Variants in PPFIA2 observed in about 807,000 individuals in gnomAD.
PPFIA2 encodes PPFI scaffold protein A2, also known as liprin-alpha-2.
Under a neutral mutation model 175.5 loss-of-function variants are expected in PPFIA2, and 46 were observed. The ratio of observed to expected loss-of-function variants is 0.26; its 90% CI spans 0.21 to 0.34. The LOEUF is 0.34. PPFIA2 is among the 10% of genes least tolerant of loss of function. The pLI, the probability that PPFIA2 is intolerant of heterozygous loss-of-function variation, is 1.00. For missense variants in PPFIA2, 1,179 were observed against 1,506.1 expected (o/e 0.78, Z 3.60); for synonymous variants, 568 against 511.4 (o/e 1.11, Z -1.49).
At chr12:81,727,013 T>C (rs1215357680) in intron 3 of PPFIA2, among the ~76,000 whole-genome samples, 4 of 151,282 alleles carry the variant, frequency 2.6e-5, no homozygotes, top group African/African-American at 4.8e-5. Context: ...GTGGCCAATA[T>C]GGTGCAAAAA....
intron 4 of PPFIA2, among the ~76,000 whole-genome samples, chr12:81,510,738 T>C (rs12316609): frequency 0.3 from 45,583 of 151,924 alleles, 7,390 homozygotes; most frequent in African/African-American, 0.42. Flanking sequence ...TTTTAAAAAA[T>C]TAATATAGTG....
intron 3 of PPFIA2, among the ~76,000 whole-genome samples, chr12:81,688,078 C>A (rs560649203): frequency 6.6e-6 from 1 of 151,920 alleles, no homozygotes; most frequent in Non-Finnish European, 1.5e-5. Context: ...AGTCTTACAA[C>A]TTTTATGCAT....
intron 27 of PPFIA2, among the ~76,000 whole-genome samples, chr12:81,280,380 T>A (rs559730553): frequency 6.6e-6 from 1 of 152,148 alleles, no homozygotes; most frequent in Non-Finnish European, 1.5e-5. Context: ...AATATCACCA[T>A]AAGTTGGAAG....
Position 81,447,018 on chromosome 12 carries a change from G to A in PPFIA2, c.406-1298C>T, listed in dbSNP as rs140473232. Among the ~76,000 whole-genome samples, 602 of 152,006 alleles carry A rather than the reference G, an allele frequency of 4.0e-3. 4 individuals carry two copies. Among genetic ancestry groups the A allele is most frequent in the African/African-American group, 0.013 (559 of 41,452 alleles). ...GTCACATTTAAGGATCAAACTAATC[G>A]CCGGGCACAGTGGCTCACTCCTGTA... On this transcript the variant is annotated intron_variant, in intron 5 of 32. Transcript: ENST00000549396.
intron 12 of PPFIA2, 36 bp downstream of exon 12, chr12:81,369,075 C>A (rs1258412798): frequency 1.3e-6 from 2 of 1,502,026 alleles, no homozygotes; most frequent in South Asian, 1.2e-5. Context: ...ATTCATAAAC[C>A]AATGATTGGG....
chr12:81,698,400 T>C (rs7300895), intron 3 of PPFIA2, among the ~76,000 whole-genome samples: 48,625 of 151,954 alleles, frequency 0.32, 8,719 homozygotes, highest in Middle Eastern at 0.49. Context: ...CCCTTCTACC[T>C]TCCACCATGA....
intron 3 of PPFIA2, among the ~76,000 whole-genome samples, chr12:81,701,681 T>A (rs1245019804): frequency 6.6e-6 from 1 of 152,140 alleles, no homozygotes; most frequent in Non-Finnish European, 1.5e-5. Flanking sequence ...AGATAGTTTA[T>A]GAGACATAGT....
chr12:81,381,009 A>AG (rs1384803870), intron 9 of PPFIA2, among the ~76,000 whole-genome samples: 17 of 138,696 alleles, frequency 1.2e-4, no homozygotes, highest in Admixed American at 1.1e-3. Flanking sequence ...TGTGTATACA[A>AG]AAAAAAAAAA....
intron 16 of PPFIA2, among the ~76,000 whole-genome samples, chr12:81,354,384 AC>A (rs1399587828): frequency 6.6e-6 from 1 of 152,202 alleles, no homozygotes; most frequent in African/African-American, 2.4e-5. Flanking sequence ...AACAATGTTC[AC>A]CAAGAGTAGT....
rs1167367530 is a variant in PPFIA2 at position 81,358,068 on chromosome 12, G to A, written c.1773+14C>T. 1.9e-6 allele frequency: 3 copies of A among 1,570,172 alleles called. No individual in the cohort carries two copies. The highest frequency in any genetic ancestry group is 1.7e-6 in the Non-Finnish European group (2 of 1,160,968). On this transcript the variant is annotated intron_variant, in intron 16 of 32. Coordinates refer to ENST00000549396, the MANE Select transcript of PPFIA2 (RefSeq NM_003625.5). The stretch of plus-strand genomic sequence containing the variant: ...TAAATAAAACTAGAGAAGAGTTGAA[G>A]TTAAAAGATTAACCTTTGGCTCATC...
At chr12:81,616,845 T>C (rs568046377) in intron 4 of PPFIA2, among the ~76,000 whole-genome samples, 1 of 152,306 alleles carries the variant, frequency 6.6e-6, no homozygotes, top group African/African-American at 2.4e-5. Flanking sequence ...TTATACACAC[T>C]GGCAGTCACA....
chr12:81,464,884 G>GA (rs11422177), intron 4 of PPFIA2, among the ~76,000 whole-genome samples: 89,305 of 145,452 alleles, frequency 0.61, 27,968 homozygotes, highest in East Asian at 0.94. Context: ...AATAGAGCTG[G>GA]AAAAAAAAAA....
chr12:81,348,573 T>C (rs1204825629), intron 17 of PPFIA2, among the ~76,000 whole-genome samples: 1 of 151,874 alleles, frequency 6.6e-6, no homozygotes, highest in Admixed American at 6.6e-5. Flanking sequence ...CCGTCTCTAC[T>C]AAAAATACAA....
chr12:81,734,619 T>C (rs1252530594), intron 3 of PPFIA2, among the ~76,000 whole-genome samples: 1 of 151,818 alleles, frequency 6.6e-6, no homozygotes, highest in Non-Finnish European at 1.5e-5. Flanking sequence ...TCCTTTTCAG[T>C]CAAGCTTGTG....
rs1324481243 is a variant in PPFIA2 at position 81,367,105 on chromosome 12, T to G, written c.1545+3A>C. 3 of 1,460,408 alleles carry G rather than the reference T, an allele frequency of 2.1e-6. No homozygotes were observed. The highest frequency in any genetic ancestry group is 2.7e-6 in the Non-Finnish European group (3 of 1,099,726). 90.5% of individuals were successfully genotyped at this position (1,460,408 alleles called of 1,614,324 possible). On this transcript the variant is annotated splice_donor_region_variant and intron_variant, in intron 14 of 32. Coordinates refer to ENST00000549396, the MANE Select transcript of PPFIA2 (RefSeq NM_003625.5). ...GGGCCCAAAACATAAGTTTCCATTATACCTTATCATGTAAAGATTCTTCAA... is the reference window on the plus strand; with the variant it reads ...GGGCCCAAAACATAAGTTTCCATTAGACCTTATCATGTAAAGATTCTTCAA...
intron 19 of PPFIA2, among the ~76,000 whole-genome samples, chr12:81,341,487 C>T (rs150479152): frequency 6.6e-6 from 1 of 152,118 alleles, no homozygotes; most frequent in Non-Finnish European, 1.5e-5. Flanking sequence ...TTCCAACCCA[C>T]AGCCTGCTGG....
At chr12:81,450,036 T>C (rs1384275902) in intron 5 of PPFIA2, among the ~76,000 whole-genome samples, 1 of 152,128 alleles carries the variant, frequency 6.6e-6, no homozygotes, top group Admixed American at 6.5e-5. Flanking sequence ...ATCCAGTCTA[T>C]CATTGATGGA....
intron 4 of PPFIA2, among the ~76,000 whole-genome samples, chr12:81,621,572 A>T (rs2062045443): frequency 6.6e-6 from 1 of 152,182 alleles, no homozygotes; most frequent in Non-Finnish European, 1.5e-5. Context: ...GGCCATGTAG[A>T]TGAAAGCTAA....
chr12:81,341,101 A>G lies in PPFIA2; in HGVS notation c.2370T>C (p.Ser790=). 6.2e-7 allele frequency: 1 copy of G among 1,610,918 alleles called. No homozygotes were observed. The change falls in exon 20 of 33, where the codon TCT becomes TCC. Residue 790 remains serine, a synonymous_variant. Transcript: ENST00000549396. ...RALRMTHTLP[S]SYHNDARSSL... The stretch of plus-strand genomic sequence containing the variant: ...ACCTTCGAGCATCATTGTGGTAGGA[A>G]GAAGGGAGAGTGTGAGTCATTCTGA...
Sources: allele counts gnomAD v4.1 joint callset (sites outside exome capture counted in the v4.1 genomes callset), GRCh38; gene constraint gnomAD v4.1.1; transcripts MANE v1.5; gene names NCBI Gene and HGNC (gene_info 2026-07-23, HGNC 2026-07-21).